TMEM120B: variants seen among roughly 807,000 people sequenced by gnomAD.
TMEM120B encodes the protein transmembrane protein 120B.
In TMEM120B, 31 loss-of-function variants were observed where a neutral mutation model predicts 55.5. The ratio of observed to expected loss-of-function variants is 0.56; its 90% CI spans 0.42 to 0.75. TMEM120B has a LOEUF of 0.75. TMEM120B is among the 30% of genes least tolerant of loss of function. The probability of loss-of-function intolerance (pLI) is 0.00; values close to 1 mark genes in which losing one functional copy is unlikely to be tolerated. For missense variants in TMEM120B, 399 were observed against 425.5 expected, an observed-to-expected ratio of 0.94 and a Z score of 0.55; for synonymous variants, 203 against 176.3, an observed-to-expected ratio of 1.15 and a Z score of -1.20.
In TMEM120B at chr12:121,719,614, A is replaced by C. The variant is rs989316735; in HGVS notation, c.69+6650A>C. ...AAATGTTTTTTTCTTCAAGGGAAACAGTGGCATCGATTGGACACTGCTTAA... is the reference window on the plus strand; with the variant it reads ...AAATGTTTTTTTCTTCAAGGGAAACCGTGGCATCGATTGGACACTGCTTAA... On this transcript the variant is annotated intron_variant, in intron 1 of 11. Transcript: ENST00000449592. Among the ~76,000 whole-genome samples the C allele has an allele frequency of 2.6e-5, 4 of 152,126 alleles. No homozygotes were observed. The East Asian group carries it at 7.7e-4, about 29-fold the overall frequency.
chr12:121,771,015 AGAGCCTG>A (rs1874028581), intron 7 of TMEM120B, 43 bp downstream of exon 7: 4 of 1,604,172 alleles, frequency 2.5e-6, no homozygotes, highest in Non-Finnish European at 3.4e-6. Flanking sequence ...CCCAGGGAGT[AGAGCCTG>A]GGGCCCGGGA....
intron 1 of TMEM120B, among the ~76,000 whole-genome samples, chr12:121,725,462 C>T (rs1400256197): frequency 6.6e-6 from 1 of 152,136 alleles, no homozygotes; most frequent in Non-Finnish European, 1.5e-5. Context: ...TATGACCCAG[C>T]AATTCCATTC....
rs1189323995 is a variant in TMEM120B, at chr12:121,748,543, A to G, written c.305+101A>G. On this transcript the variant is annotated intron_variant, in intron 3 of 11. Coordinates refer to ENST00000449592, the MANE Select transcript of TMEM120B (RefSeq NM_001080825.2). The stretch of plus-strand genomic sequence containing the variant: ...GCCTTCCTGCTGGTGCTCAGATTGA[A>G]GGGGAAAGAGGGAAACAAGGGCAGG... The G allele has an allele frequency of 1.2e-5, 9 of 764,842 alleles. No individual in the cohort carries two copies. In the Admixed American group the frequency reaches 2.3e-4, roughly 20 times the overall value. 47.4% of individuals were successfully genotyped at this position (764,842 alleles called of 1,614,324 possible).
Position 121,748,330 on chromosome 12 carries a change from A to G in TMEM120B, c.193A>G (p.Lys65Glu). Reference protein sequence around the residue: ...KDLKLTLQRCKRHASREEAEL... With the variant: ...KDLKLTLQRCERHASREEAEL... Reference sequence around the variant, plus strand: ...TGCCTGCATCTCTGTCCGCAGGTGCAAACGCCATGCCAGTCGGGAGGAGGC... The same window carrying G: ...TGCCTGCATCTCTGTCCGCAGGTGCGAACGCCATGCCAGTCGGGAGGAGGC... The change falls in exon 3 of 12, where the codon AAA becomes GAA. Residue 65 changes from lysine to glutamate, a missense_variant. Coordinates refer to ENST00000449592, the MANE Select transcript of TMEM120B (RefSeq NM_001080825.2). 3.1e-6 allele frequency: 5 copies of G among 1,609,952 alleles called. 1 individual carries two copies. In the South Asian group the frequency reaches 3.3e-5, roughly 11 times the overall value.
Position 121,775,390 on chromosome 12 carries a change from G to C in TMEM120B, c.907-219G>C. 1 of 976,636 alleles carries C rather than the reference G, an allele frequency of 1.0e-6. No homozygotes were observed. The highest frequency in any genetic ancestry group is 1.2e-6 in the Non-Finnish European group (1 of 822,052). 60.5% of individuals were successfully genotyped at this position (976,636 alleles called of 1,614,324 possible). On this transcript the variant is annotated intron_variant, in intron 11 of 11. Transcript: ENST00000449592. The surrounding 1 kb of genome is among the most constrained non-coding windows in gnomAD (Gnocchi z 4.3). ...CTAGGGGTGGAGCCTCTCCCAATCTGTGGATCCCAAGGAGGTTCGCCCCAT... is the reference window on the plus strand; with the variant it reads ...CTAGGGGTGGAGCCTCTCCCAATCTCTGGATCCCAAGGAGGTTCGCCCCAT...
At chr12:121,760,745 A>G (rs770051272) in intron 5 of TMEM120B, among the ~76,000 whole-genome samples, 1 of 152,124 alleles carries the variant, frequency 6.6e-6, no homozygotes, top group Non-Finnish European at 1.5e-5. Context: ...TAAGAGAGAC[A>G]GTTAACAACC....
chr12:121,765,170 C>T (rs1450593030), intron 6 of TMEM120B, among the ~76,000 whole-genome samples: 2 of 142,664 alleles, frequency 1.4e-5, no homozygotes, highest in Non-Finnish European at 3.0e-5. Flanking sequence ...TGCTCTGTCA[C>T]TTAGGCTGGA....
chr12:121,771,041 GGGGCT>G, intron 7 of TMEM120B, 69 bp downstream of exon 7: 2 of 1,544,292 alleles, frequency 1.3e-6, no homozygotes, highest in East Asian at 4.6e-5. Flanking sequence ...GAATGGGGAG[GGGGCT>G]GATCCAGACA....
intron 1 of TMEM120B, among the ~76,000 whole-genome samples, chr12:121,730,247 G>A (rs1157731534): frequency 3.4e-5 from 5 of 146,218 alleles, no homozygotes; most frequent in Non-Finnish European, 7.5e-5. Flanking sequence ...AACAGAGTGA[G>A]ACTCCATCTC....
In TMEM120B at chr12:121,768,532, G is replaced by T. The variant is rs537149774; in HGVS notation, c.552-2375G>T. On this transcript the variant is annotated intron_variant, in intron 6 of 11. Transcript: ENST00000449592. ...CCTGGAAAAAAAAGAGAAAGCACGT[G>T]GGCGTGTGTGTGGACCCATTTCCCT... is the stretch of plus-strand genomic sequence containing the variant. Among the ~76,000 whole-genome samples the T allele has an allele frequency of 2.9e-4, 44 of 152,340 alleles. No individual in the cohort carries two copies. The East Asian group carries it at 8.3e-3, about 29-fold the overall frequency.
intron 6 of TMEM120B, among the ~76,000 whole-genome samples, chr12:121,765,938 C>T (rs1873832912): frequency 6.6e-6 from 1 of 152,048 alleles, no homozygotes; most frequent in African/African-American, 2.4e-5. Flanking sequence ...GGGATGAACT[C>T]TAGTTTCTCA....
At chr12:121,774,523 G>C (rs1874170521) in intron 9 of TMEM120B, 135 bp from the exon 10 acceptor site, 1 of 777,618 alleles carries the variant, frequency 1.3e-6, no homozygotes. Context: ...TGACAGGTGA[G>C]GGCTGACCCC....
At chr12:121,765,944 T>TCTCATCCCTGAAGGGGATG (rs2137326687) in intron 6 of TMEM120B, among the ~76,000 whole-genome samples, 1 of 152,134 alleles carries the variant, frequency 6.6e-6, no homozygotes, top group Admixed American at 6.5e-5. Flanking sequence ...AACTCTAGTT[T>TCTCATCCCTGAAGGGGATG]CTCATCCCTG....
At chr12:121,765,678 G>A (rs1312548594) in intron 6 of TMEM120B, among the ~76,000 whole-genome samples, 1 of 152,192 alleles carries the variant, frequency 6.6e-6, no homozygotes, top group African/African-American at 2.4e-5. Flanking sequence ...TACAGGAGCT[G>A]GGGCCAGCTT....
At chr12:121,746,781 C>T (rs1873097190) in intron 2 of TMEM120B, among the ~76,000 whole-genome samples, 1 of 151,918 alleles carries the variant, frequency 6.6e-6, no homozygotes, top group Non-Finnish European at 1.5e-5. Context: ...GGTGAAACCC[C>T]ATCTCTTCTA....
In TMEM120B at chr12:121,750,435, G is replaced by A. The variant is rs561833579; in HGVS notation, c.361G>A (p.Ala121Thr). ...NVNVTLLSNQ[A>T]KFAYKDEYEK... ...GAACGTGACCCTCCTCAGCAACCAG[G>A]CCAAGTAAGTGTCCCCCACCCACCA... The change falls in exon 4 of 12, where the codon GCC becomes ACC. Residue 121 changes from alanine (A) to threonine (T), a missense_variant. Ala to Thr is a moderately conservative substitution (Grantham distance 58). Coordinates refer to ENST00000449592, the MANE Select transcript of TMEM120B (RefSeq NM_001080825.2). 2.4e-5 allele frequency: 39 copies of A among 1,611,812 alleles called. No homozygotes were observed. The East Asian group carries it at 4.9e-4, about 20-fold the overall frequency.
intron 6 of TMEM120B, among the ~76,000 whole-genome samples, chr12:121,762,301 G>C (rs1873705332): frequency 6.6e-6 from 1 of 150,524 alleles, no homozygotes; most frequent in South Asian, 2.1e-4. Flanking sequence ...GTGACCCATT[G>C]TTCTGCCTTC....
intron 1 of TMEM120B, among the ~76,000 whole-genome samples, chr12:121,727,453 T>C (rs1416451873): frequency 6.7e-6 from 1 of 148,392 alleles, no homozygotes; most frequent in Non-Finnish European, 1.5e-5. Flanking sequence ...GGAGGATCAC[T>C]TGAGCTGGGG....
intron 1 of TMEM120B, among the ~76,000 whole-genome samples, chr12:121,723,627 A>G (rs958772935): frequency 3.9e-5 from 6 of 152,118 alleles, no homozygotes; most frequent in African/African-American, 1.4e-4. Context: ...ACTAAACTCA[A>G]CTGGAGGGCA....
Sources: allele counts gnomAD v4.1 joint callset (sites outside exome capture counted in the v4.1 genomes callset), GRCh38; gene constraint gnomAD v4.1.1; non-coding constraint Gnocchi (gnomAD v3.1); transcripts MANE v1.5; gene names NCBI Gene and HGNC (gene_info 2026-07-23, HGNC 2026-07-21).